Variants in FSAF1 observed in about 807,000 individuals in gnomAD.
FSAF1 encodes the protein 40S small subunit processome assembly factor 1.
the FSAF1 span, chr1:231,241,152 T>G: frequency 1.3e-5 from 21 of 1,603,712 alleles, no homozygotes; most frequent in Non-Finnish European, 1.7e-5. Flanking sequence ...TCTGCCGCGC[T>G]GCACCCCCGC....
the FSAF1 span, among the ~76,000 whole-genome samples, chr1:231,233,559 A>T: frequency 4.0e-5 from 6 of 150,610 alleles, no homozygotes; most frequent in Admixed American, 1.3e-4. Flanking sequence ...TGAACAAAAA[A>T]TTTTTTTTTT....
At chr1:231,241,152 T>A in the FSAF1 span, 2 of 1,603,712 alleles carry the variant, frequency 1.2e-6, no homozygotes, top group African/African-American at 1.3e-5. Context: ...TCTGCCGCGC[T>A]GCACCCCCGC....
At chr1:231,225,402 G>A in the FSAF1 span, 163 of 1,451,040 alleles carry the variant, frequency 1.1e-4, no homozygotes, top group African/African-American at 1.5e-4. Context: ...CATTCAAGGC[G>A]TCCTTGTCAG....
chr1:231,229,190 A>G, the FSAF1 span: 1 of 1,584,910 alleles, frequency 6.3e-7, no homozygotes, highest in Non-Finnish European at 8.6e-7. Context: ...ATCTCTCTCC[A>G]AAACACTAGG....
At chr1:231,226,134 G>A in the FSAF1 span, among the ~76,000 whole-genome samples, 1 of 151,358 alleles carries the variant, frequency 6.6e-6, no homozygotes, top group Non-Finnish European at 1.5e-5. Context: ...CCCAACATTA[G>A]AGACGGGACC....
the FSAF1 span, chr1:231,238,901 T>C: frequency 1.6e-5 from 26 of 1,614,048 alleles, no homozygotes; most frequent in Non-Finnish European, 2.2e-5. Context: ...CTTTTTTTAT[T>C]GCTGTGAAAT....
the FSAF1 span, among the ~76,000 whole-genome samples, chr1:231,226,162 G>A: frequency 6.6e-6 from 1 of 152,076 alleles, no homozygotes; most frequent in Admixed American, 6.5e-5. Context: ...AGGTGTTTGG[G>A]TCATGGCAAT....
chr1:231,239,941 C>T, the FSAF1 span, among the ~76,000 whole-genome samples: 1 of 152,184 alleles, frequency 6.6e-6, no homozygotes, highest in African/African-American at 2.4e-5. Context: ...TATTATTTTG[C>T]AGAATAGTCT....
chr1:231,226,985 C>G, the FSAF1 span: 2 of 1,614,206 alleles, frequency 1.2e-6, no homozygotes, highest in South Asian at 2.2e-5. Flanking sequence ...TAGCGCCCAG[C>G]ATAATGGCAC....
the FSAF1 span, chr1:231,226,634 T>C: frequency 8.8e-6 from 9 of 1,026,786 alleles, no homozygotes; most frequent in South Asian, 3.9e-5. Context: ...CCTTTAACTC[T>C]GGTGCCTTCA....
chr1:231,227,719 G>GCTGGGACT, the FSAF1 span, among the ~76,000 whole-genome samples: 1 of 151,140 alleles, frequency 6.6e-6, no homozygotes. Flanking sequence ...CTCCCGAGTA[G>GCTGGGACT]CTGGGACTAC....
chr1:231,227,585 G>GT, the FSAF1 span, among the ~76,000 whole-genome samples: 5,321 of 102,086 alleles, frequency 0.052, 283 homozygotes, highest in African/African-American at 0.072. Context: ...CTCGCCCACG[G>GT]TTTTTTTTTT....
At chr1:231,231,257 T>G in the FSAF1 span, among the ~76,000 whole-genome samples, 6 of 152,222 alleles carry the variant, frequency 3.9e-5, no homozygotes, top group Non-Finnish European at 8.8e-5. Flanking sequence ...TCCTATTCTA[T>G]GACTGGAAAA....
the FSAF1 span, chr1:231,227,077 A>G: frequency 6.2e-7 from 1 of 1,613,960 alleles, no homozygotes; most frequent in Non-Finnish European, 8.5e-7. Context: ...GCCTGCGGAC[A>G]CAAAGCATAA....
the FSAF1 span, among the ~76,000 whole-genome samples, chr1:231,231,792 C>T: frequency 1.3e-5 from 2 of 152,200 alleles, no homozygotes; most frequent in South Asian, 4.1e-4. Context: ...TTCCTGCTGT[C>T]CCCATCAGCA....
At chr1:231,229,298 G>C in the FSAF1 span, 4 of 880,066 alleles carry the variant, frequency 4.5e-6, no homozygotes, top group South Asian at 5.9e-5. Context: ...TAAGGAACCT[G>C]AAAGTGACCC....
chr1:231,231,248 C>T, the FSAF1 span, among the ~76,000 whole-genome samples: 1 of 152,176 alleles, frequency 6.6e-6, no homozygotes. Flanking sequence ...GAGTCTTATT[C>T]CTATTCTATG....
chr1:231,235,775 CAGG>C, the FSAF1 span, among the ~76,000 whole-genome samples: 1 of 152,140 alleles, frequency 6.6e-6, no homozygotes, highest in Non-Finnish European at 1.5e-5. Flanking sequence ...TGCATTCCAG[CAGG>C]AGTGACAGAG....
At chr1:231,226,528 T>C in the FSAF1 span, 1 of 602,182 alleles carries the variant, frequency 1.7e-6, no homozygotes, top group South Asian at 2.1e-5. Context: ...GACAAGGAGT[T>C]TGCTATTTCA....
Sources: allele counts gnomAD v4.1 joint callset (sites outside exome capture counted in the v4.1 genomes callset), GRCh38; gene constraint gnomAD v4.1.1; transcripts MANE v1.5; gene names NCBI Gene and HGNC (gene_info 2026-07-23, HGNC 2026-07-21).